Variants in R3HDM1 observed in about 807,000 individuals in gnomAD.
R3HDM1 encodes R3H domain-containing protein 1.
Under a neutral mutation model 141.1 loss-of-function variants are expected in R3HDM1, and 46 were observed. The ratio of observed to expected loss-of-function variants is 0.33; its 90% confidence interval spans 0.26 to 0.42. The LOEUF (loss-of-function observed/expected upper bound fraction) is 0.42, where lower values mean the gene tolerates loss of function less well. Among genes scored for constraint, R3HDM1 ranks in the 10% least tolerant of loss-of-function variants. The pLI, the probability that R3HDM1 is intolerant of heterozygous loss-of-function variation, is 1.00. For synonymous variants in R3HDM1, 435 were observed against 472.9 expected, an observed-to-expected ratio of 0.92 and a Z score of 1.04; for missense variants, 1,184 against 1,368.3, an observed-to-expected ratio of 0.87 and a Z score of 2.12.
chr2:135,563,297 C>T (rs1702122660), intron 1 of R3HDM1, among the ~76,000 whole-genome samples: 1 of 152,138 alleles, frequency 6.6e-6, no homozygotes, highest in East Asian at 1.9e-4. Context: ...TAATTTAAAG[C>T]AAGAAAAATC....
Position 135,651,770 on chromosome 2 carries a change from C to A in R3HDM1, c.1766C>A (p.Ala589Asp). The A allele has an allele frequency of 6.2e-7, 1 of 1,613,828 alleles. No homozygotes were observed. The highest frequency in any genetic ancestry group is 1.1e-5 in the South Asian group (1 of 90,984). The change falls in exon 18 of 27, where the codon GCT becomes GAT. Residue 589 changes from alanine (A) to aspartate (D), a missense_variant. Ala to Asp is a moderately radical substitution (Grantham distance 126). Coordinates refer to ENST00000683871, the MANE Select transcript of R3HDM1 (RefSeq NM_001378107.1). ...TCTCAGTTTAGCCACATGAGTCTTGCTCGCCAGCCATCTGCTGATGGTTCT... is the reference window on the plus strand; with the variant it reads ...TCTCAGTTTAGCCACATGAGTCTTGATCGCCAGCCATCTGCTGATGGTTCT... ...LGSQFSHMSL[A>D]RQPSADGSDP... is the part of the protein sequence containing the mutation.
intron 1 of R3HDM1, among the ~76,000 whole-genome samples, chr2:135,574,888 A>C (rs565752811): frequency 7.9e-5 from 12 of 152,324 alleles, no homozygotes; most frequent in African/African-American, 2.6e-4. Context: ...TACTAGAAGT[A>C]TTTCCACAGT....
Position 135,621,548 on chromosome 2 carries a change from A to C in R3HDM1, c.358A>C (p.Lys120Gln). 1 of 1,604,118 alleles carries C rather than the reference A, an allele frequency of 6.2e-7. No individual in the cohort carries two copies. The highest frequency in any genetic ancestry group is 8.5e-7 in the Non-Finnish European group (1 of 1,175,108). ...ATTTGAGAAAGAAGAGAAGCCCTCAAAAGATGAAGCAGAAAAAGAAAAGGC... is the reference window on the plus strand; with the variant it reads ...ATTTGAGAAAGAAGAGAAGCCCTCACAAGATGAAGCAGAAAAAGAAAAGGC... ...QSFEKEEKPSKDEAEKEKASD... is the reference protein window; with the variant it reads ...QSFEKEEKPSQDEAEKEKASD... The change falls in exon 6 of 27, where the codon AAA (lysine) becomes CAA (glutamine). Residue 120 changes from lysine (K) to glutamine (Q), a missense_variant. Physicochemically the swap from Lys to Gln is moderately conservative, Grantham distance 53 (BLOSUM62 1). This residue lies in a region of R3HDM1 where 192 missense variants were observed against 215.7 expected (regional missense o/e 0.89). Transcript: ENST00000683871.
intron 17 of R3HDM1, 197 bp from the exon 18 acceptor site, chr2:135,651,533 T>G: frequency 1.1e-6 from 1 of 932,704 alleles, no homozygotes; most frequent in Non-Finnish European, 1.3e-6. Flanking sequence ...TTTTAAATAA[T>G]TTATAATTTA....
rs554159698 is a variant in R3HDM1 at position 135,617,781 on chromosome 2, G to A, written c.303+1024G>A. Among the ~76,000 whole-genome samples the A allele has an allele frequency of 3.3e-5, 5 of 152,214 alleles. No homozygotes were observed. In the East Asian group the frequency reaches 9.7e-4, roughly 29 times the overall value. On this transcript the variant is annotated intron_variant, in intron 5 of 26. Transcript: ENST00000683871. ...GGCTAGTTGTACTTAATAAGAGTTTGAGCAACTTAAAATGCTCCTTTATCC... is the reference window on the plus strand; with the variant it reads ...GGCTAGTTGTACTTAATAAGAGTTTAAGCAACTTAAAATGCTCCTTTATCC...
chr2:135,671,626 C>T (rs1237709519), intron 19 of R3HDM1, among the ~76,000 whole-genome samples: 1 of 151,872 alleles, frequency 6.6e-6, no homozygotes, highest in African/African-American at 2.4e-5. Flanking sequence ...ACCTCGGCCT[C>T]CCAAAGTGCT....
chr2:135,699,105 T>A (rs60768381), intron 21 of R3HDM1, among the ~76,000 whole-genome samples: 3,290 of 71,700 alleles, frequency 0.046, 267 homozygotes, highest in African/African-American at 0.11. Flanking sequence ...ATAGATAGAT[T>A]AGATATTCCA....
intron 11 of R3HDM1, 61 bp downstream of exon 11, chr2:135,636,244 T>C: frequency 6.5e-7 from 1 of 1,541,472 alleles, no homozygotes; most frequent in Non-Finnish European, 8.7e-7. Flanking sequence ...TTGTAGGGTC[T>C]CAGTCTCCCT....
intron 1 of R3HDM1, among the ~76,000 whole-genome samples, chr2:135,589,015 T>G (rs944335649): frequency 9.8e-5 from 15 of 152,292 alleles, no homozygotes; most frequent in South Asian, 2.1e-4. Flanking sequence ...ATTTTGTATT[T>G]TGTATCTGAG....
chr2:135,545,535 G>A (rs1017978263), intron 1 of R3HDM1, among the ~76,000 whole-genome samples: 1 of 152,206 alleles, frequency 6.6e-6, no homozygotes, highest in African/African-American at 2.4e-5. Context: ...GGAACAGAAA[G>A]TACGAAGGCC....
intron 18 of R3HDM1, among the ~76,000 whole-genome samples, chr2:135,654,902 G>GTGTGTGTGTGTA (rs57409498): frequency 4.2e-4 from 61 of 146,248 alleles, no homozygotes; most frequent in Middle Eastern, 3.5e-3. Flanking sequence ...GTGTGTGTGT[G>GTGTGTGTGTGTA]TTTGTCTTTT....
chr2:135,613,480 A>G (rs1162644948), intron 3 of R3HDM1, among the ~76,000 whole-genome samples: 2 of 152,184 alleles, frequency 1.3e-5, no homozygotes, highest in African/African-American at 4.8e-5. Context: ...CCTGAATCTT[A>G]AATTGTATCT....
chr2:135,683,078 T>G (rs2105360181), intron 21 of R3HDM1, among the ~76,000 whole-genome samples: 1 of 152,324 alleles, frequency 6.6e-6, no homozygotes, highest in East Asian at 1.9e-4. Context: ...ATAAGGTAGA[T>G]GTAAGCTGAC....
chr2:135,588,975 CAG>C (rs934530111), intron 1 of R3HDM1, among the ~76,000 whole-genome samples: 11 of 152,028 alleles, frequency 7.2e-5, no homozygotes, highest in East Asian at 1.9e-4. Flanking sequence ...GAAAACAGTA[CAG>C]AGAGTATTTT....
intron 1 of R3HDM1, among the ~76,000 whole-genome samples, chr2:135,600,976 T>C (rs2059579053): frequency 6.6e-6 from 1 of 152,196 alleles, no homozygotes; most frequent in South Asian, 2.1e-4. Context: ...CCTTATCTAG[T>C]ACCTTATTTA....
At chr2:135,577,058 CT>C in intron 1 of R3HDM1, 3 of 904,558 alleles carry the variant, frequency 3.3e-6, no homozygotes, top group South Asian at 1.0e-4. Context: ...AAAAAAAAAC[CT>C]CCAAACAGGT....
intron 7 of R3HDM1, among the ~76,000 whole-genome samples, chr2:135,628,813 TG>T (rs1267911186): frequency 6.6e-6 from 1 of 151,884 alleles, no homozygotes; most frequent in East Asian, 2.0e-4. Context: ...TTAGTAGAGA[TG>T]GGGGTTTCTC....
intron 5 of R3HDM1, among the ~76,000 whole-genome samples, chr2:135,617,282 G>A (rs1388050611): frequency 6.6e-6 from 1 of 151,872 alleles, no homozygotes; most frequent in Non-Finnish European, 1.5e-5. Flanking sequence ...AGCCCAGATC[G>A]CACCACTGCA....
At chr2:135,565,261 A>G (rs918960765) in intron 1 of R3HDM1, among the ~76,000 whole-genome samples, 2 of 151,640 alleles carry the variant, frequency 1.3e-5, no homozygotes, top group Non-Finnish European at 2.9e-5. Flanking sequence ...ATGAGAGTGT[A>G]CATTTGCTGA....
Sources: allele counts gnomAD v4.1 joint callset (sites outside exome capture counted in the v4.1 genomes callset), GRCh38; gene constraint gnomAD v4.1.1; regional missense constraint gnomAD v4.1.1; transcripts MANE v1.5; gene names NCBI Gene and HGNC (gene_info 2026-07-23, HGNC 2026-07-21).